The following SUGCT variants were observed in gnomAD, a reference collection of about 807,000 sequenced individuals.
The protein encoded by SUGCT is succinyl-CoA:glutarate CoA-transferase.
Under a neutral mutation model 55.0 loss-of-function variants are expected in SUGCT, and 41 were observed. The ratio of observed to expected loss-of-function variants is 0.74; its 90% CI spans 0.58 to 0.97. The LOEUF is 0.97. SUGCT is among the 50% of genes least tolerant of loss of function. SUGCT has a pLI of 0.00. For missense variants in SUGCT, 568 were observed against 547.8 expected (o/e 1.04, Z -0.37); for synonymous variants, 187 against 200.4 (o/e 0.93, Z 0.56).
At chr7:40,837,017 C>G (rs1344554914) in intron 13 of SUGCT, among the ~76,000 whole-genome samples, 1 of 152,082 alleles carries the variant, frequency 6.6e-6, no homozygotes, top group Non-Finnish European at 1.5e-5. Flanking sequence ...TTGTCGTACT[C>G]TTTTCCAGAG....
intron 13 of SUGCT, among the ~76,000 whole-genome samples, chr7:40,823,807 C>T (rs1013105315): frequency 6.6e-6 from 1 of 152,054 alleles, no homozygotes; most frequent in African/African-American, 2.4e-5. Context: ...ATTCAAATAG[C>T]GACAGACTTA....
chr7:40,727,947 G>C (rs924481578), intron 12 of SUGCT, among the ~76,000 whole-genome samples: 1 of 152,020 alleles, frequency 6.6e-6, no homozygotes. Flanking sequence ...ATATATCTGT[G>C]TTATTATTTA....
intron 1 of SUGCT, among the ~76,000 whole-genome samples, chr7:40,177,962 G>C (rs1054695854): frequency 3.9e-5 from 6 of 152,156 alleles, no homozygotes; most frequent in African/African-American, 1.2e-4. Context: ...TATTGGCCAG[G>C]CTGGTTTCGA....
At chr7:40,772,307 C>T (rs993649354) in intron 13 of SUGCT, among the ~76,000 whole-genome samples, 1 of 152,068 alleles carries the variant, frequency 6.6e-6, no homozygotes, top group African/African-American at 2.4e-5. Context: ...TTTCAAGTTC[C>T]TGTGGTTACA....
chr7:40,788,852 G>A (rs558981402), intron 13 of SUGCT, among the ~76,000 whole-genome samples: 2 of 152,328 alleles, frequency 1.3e-5, no homozygotes, highest in African/African-American at 4.8e-5. Context: ...GAAAATTCTT[G>A]GATTCTATCT....
rs202132628 is a variant in SUGCT at position 40,144,332 on chromosome 7, GAAGA to G, written c.100+9217_100+9220del. Among the ~76,000 whole-genome samples, 1,070 of 152,364 alleles carry G rather than the reference GAAGA, an allele frequency of 7.0e-3. 13 individuals carry two copies. Among genetic ancestry groups the G allele is most frequent in the African/African-American group, 0.024 (1,001 of 41,582 alleles). On this transcript the variant is annotated intron_variant, in intron 1 of 13. Coordinates refer to ENST00000335693, the MANE Select transcript of SUGCT (RefSeq NM_001193313.2). ...GATGGTCAGCAATAGAGCGAGGAAA[GAAGA>G]AAGAGTAATAGAATAGATGAAAGAG...
chr7:40,989,595 C>T, the SUGCT span, among the ~76,000 whole-genome samples: 1 of 150,864 alleles, frequency 6.6e-6, no homozygotes, highest in African/African-American at 2.4e-5. Flanking sequence ...GGTGAAACCC[C>T]CATCTCTACT....
chr7:40,485,186 C>T (rs1791259242), intron 11 of SUGCT, among the ~76,000 whole-genome samples: 1 of 151,850 alleles, frequency 6.6e-6, no homozygotes, highest in Admixed American at 6.6e-5. Flanking sequence ...GGGCTTGTGA[C>T]TCTAACCCAA....
At chr7:40,532,800 A>G (rs1382310795) in intron 12 of SUGCT, among the ~76,000 whole-genome samples, 1 of 152,194 alleles carries the variant, frequency 6.6e-6, no homozygotes, top group East Asian at 1.9e-4. Flanking sequence ...GTTCCACAAC[A>G]GTAAAGCTTT....
chr7:40,824,902 A>T (rs1456566621), intron 13 of SUGCT, among the ~76,000 whole-genome samples: 1 of 152,212 alleles, frequency 6.6e-6, no homozygotes. Context: ...CACAATGGCA[A>T]TTAAATATCA....
At chr7:40,789,824 A>T (rs1790218175) in intron 13 of SUGCT, among the ~76,000 whole-genome samples, 1 of 152,166 alleles carries the variant, frequency 6.6e-6, no homozygotes, top group African/African-American at 2.4e-5. Context: ...TCATCAGTTC[A>T]TCTACTCCTC....
rs11288248 is a variant in SUGCT, at chr7:40,555,301, C to CT, written c.1089+58928dup. ...GATCAATGAAACCCTTCCTCTTTGT[C>CT]TTTTTTTTTTTTTCTCACTGATTAG... On this transcript the variant is annotated intron_variant, in intron 12 of 13. Coordinates refer to ENST00000335693, the MANE Select transcript of SUGCT (RefSeq NM_001193313.2). 2.2e-3 allele frequency among the ~76,000 whole-genome samples: 320 copies of CT among 144,198 alleles called. 1 individual carries two copies. The highest frequency in any genetic ancestry group is 3.6e-3 in the Middle Eastern group (1 of 280). 94.6% of individuals were successfully genotyped at this position (144,198 alleles called of 152,430 possible). A position where few individuals can be genotyped will look rare whatever the true frequency, so the allele number is the denominator to read the frequency against.
intron 12 of SUGCT, among the ~76,000 whole-genome samples, chr7:40,748,719 C>A (rs1001424117): frequency 6.6e-6 from 1 of 152,014 alleles, no homozygotes; most frequent in African/African-American, 2.4e-5. Context: ...AGAACCTAAT[C>A]AGCCCTCTGG....
chr7:40,749,476 G>A lies in SUGCT; in HGVS notation c.1132G>A (p.Val378Met), dbSNP rs564355406. ...GLVMEMEHPT[V>M]GKISVPGPAV... is the part of the protein sequence containing the mutation. Reference sequence around the variant, plus strand: ...CGTTATGGAGATGGAGCATCCAACTGTGGGGAAGATTTCCGTCCCAGGTCT... The same window carrying A: ...CGTTATGGAGATGGAGCATCCAACTATGGGGAAGATTTCCGTCCCAGGTCT... The change falls in exon 13 of 14, where the codon GTG (valine) becomes ATG (methionine). Residue 378 changes from valine (V) to methionine (M), a missense_variant. Physicochemically the swap from Val to Met is conservative, Grantham distance 21. Transcript: ENST00000335693. The A allele has an allele frequency of 3.7e-6, 6 of 1,613,756 alleles. No homozygotes were observed. The highest frequency in any genetic ancestry group is 5.1e-6 in the Non-Finnish European group (6 of 1,179,716).
rs143327977 is a variant in SUGCT at position 40,384,869 on chromosome 7, G to A, written c.817-64418G>A. Among the ~76,000 whole-genome samples, 157 of 152,168 alleles carry A rather than the reference G, an allele frequency of 1.0e-3. 1 individual carries two copies. Among genetic ancestry groups the A allele is most frequent in the African/African-American group, 3.5e-3 (146 of 41,520 alleles). On this transcript the variant is annotated intron_variant, in intron 9 of 13. Coordinates refer to ENST00000335693, the MANE Select transcript of SUGCT (RefSeq NM_001193313.2). The stretch of plus-strand genomic sequence containing the variant: ...TCCCTCAGTCATTCATTCTACAAAG[G>A]CGTATTGAGAGCCTACTATGCATCA...
intron 12 of SUGCT, among the ~76,000 whole-genome samples, chr7:40,589,474 A>G (rs752204511): frequency 2.6e-5 from 4 of 152,128 alleles, no homozygotes; most frequent in Non-Finnish European, 1.5e-5. Flanking sequence ...CTCACATGGT[A>G]AAGGACCAGA....
intron 10 of SUGCT, among the ~76,000 whole-genome samples, chr7:40,457,661 A>G (rs1789563765): frequency 6.6e-6 from 1 of 152,180 alleles, no homozygotes; most frequent in Non-Finnish European, 1.5e-5. Flanking sequence ...AGATGGAAGG[A>G]TCATTACTTT....
chr7:40,876,076 T>G, the SUGCT span, among the ~76,000 whole-genome samples: 1 of 152,246 alleles, frequency 6.6e-6, no homozygotes, highest in Non-Finnish European at 1.5e-5. Flanking sequence ...TGAAGGCTGC[T>G]TTTCTGGATT....
intron 12 of SUGCT, among the ~76,000 whole-genome samples, chr7:40,555,091 A>T (rs1454176822): frequency 6.6e-6 from 1 of 152,132 alleles, no homozygotes; most frequent in Non-Finnish European, 1.5e-5. Context: ...TTGACATATG[A>T]TCTCAAAGTA....
Sources: allele counts gnomAD v4.1 joint callset (sites outside exome capture counted in the v4.1 genomes callset), GRCh38; gene constraint gnomAD v4.1.1; transcripts MANE v1.5; gene names NCBI Gene and HGNC (gene_info 2026-07-23, HGNC 2026-07-21).